AFG2A: variants seen among roughly 807,000 people sequenced by gnomAD.
The protein encoded by AFG2A is ATPase family gene 2 protein homolog A.
the AFG2A span, among the ~76,000 whole-genome samples, chr4:123,113,414 C>A: frequency 6.6e-6 from 1 of 152,136 alleles, no homozygotes; most frequent in Non-Finnish European, 1.5e-5. Context: ...TGCTCACTTA[C>A]CCAGACGATC....
chr4:123,013,979 G>T, the AFG2A span, among the ~76,000 whole-genome samples: 3 of 152,096 alleles, frequency 2.0e-5, no homozygotes, highest in South Asian at 4.1e-4. Context: ...TATTAAAAAT[G>T]ATTTCTTCTA....
chr4:122,928,365 C>T, the AFG2A span, among the ~76,000 whole-genome samples: 2 of 152,136 alleles, frequency 1.3e-5, no homozygotes. Context: ...GCTTTCTTTT[C>T]TGCTACCAGC....
At chr4:123,171,496 A>G in the AFG2A span, among the ~76,000 whole-genome samples, 1 of 152,176 alleles carries the variant, frequency 6.6e-6, no homozygotes, top group African/African-American at 2.4e-5. Flanking sequence ...CAGATCAGAA[A>G]GTTCTTCCTA....
At chr4:122,969,737 A>G in the AFG2A span, among the ~76,000 whole-genome samples, 1 of 151,990 alleles carries the variant, frequency 6.6e-6, no homozygotes, top group East Asian at 1.9e-4. Flanking sequence ...TTTATTTTAG[A>G]TTTTCCTTAA....
chr4:123,219,531 T>G, the AFG2A span, among the ~76,000 whole-genome samples: 1 of 152,214 alleles, frequency 6.6e-6, no homozygotes, highest in Admixed American at 6.5e-5. Flanking sequence ...ATATTAGTAC[T>G]TAGTGTGCTA....
chr4:122,975,038 C>A, the AFG2A span, among the ~76,000 whole-genome samples: 2 of 152,138 alleles, frequency 1.3e-5, no homozygotes, highest in African/African-American at 2.4e-5. Context: ...ATGAGGATGT[C>A]GAGTAGTAAA....
chr4:123,080,791 A>G, the AFG2A span, among the ~76,000 whole-genome samples: 1 of 151,772 alleles, frequency 6.6e-6, no homozygotes, highest in Non-Finnish European at 1.5e-5. Flanking sequence ...TATTGATTGT[A>G]TTTCCTTAAT....
At chr4:123,193,728 G>A in the AFG2A span, among the ~76,000 whole-genome samples, 1 of 152,012 alleles carries the variant, frequency 6.6e-6, no homozygotes, top group Admixed American at 6.6e-5. Context: ...ATGTGAAAAA[G>A]AACATAAAAT....
chr4:123,243,735 T>A, the AFG2A span, among the ~76,000 whole-genome samples: 2 of 150,432 alleles, frequency 1.3e-5, no homozygotes, highest in Admixed American at 1.3e-4. Context: ...ACCCTGTAAT[T>A]AAAAAAAAAA....
At chr4:123,113,470 T>A in the AFG2A span, among the ~76,000 whole-genome samples, 85 of 152,104 alleles carry the variant, frequency 5.6e-4, no homozygotes, top group Non-Finnish European at 1.0e-3. Context: ...TAACTTTCAG[T>A]ATGCTGCAGC....
the AFG2A span, among the ~76,000 whole-genome samples, chr4:122,948,785 C>CTGAAT: frequency 2.0e-5 from 3 of 151,856 alleles, no homozygotes; most frequent in African/African-American, 7.3e-5. Context: ...TTCCACATGG[C>CTGAAT]AACCTCCTTT....
At chr4:123,292,545 A>G in the AFG2A span, among the ~76,000 whole-genome samples, 1 of 152,214 alleles carries the variant, frequency 6.6e-6, no homozygotes, top group Non-Finnish European at 1.5e-5. Context: ...GTTAAAAAAA[A>G]TTCCCCTTGA....
chr4:122,933,012 A>C, the AFG2A span, among the ~76,000 whole-genome samples: 1 of 152,238 alleles, frequency 6.6e-6, no homozygotes, highest in African/African-American at 2.4e-5. Context: ...ATTTTTCATC[A>C]GATTCTTTGT....
At chr4:123,290,071 T>C in the AFG2A span, among the ~76,000 whole-genome samples, 1 of 152,204 alleles carries the variant, frequency 6.6e-6, no homozygotes, top group African/African-American at 2.4e-5. Flanking sequence ...TTGAGTTGTT[T>C]GAATTCTTTG....
the AFG2A span, chr4:123,314,141 T>TA: frequency 1.6e-5 from 21 of 1,323,062 alleles, no homozygotes; most frequent in South Asian, 3.9e-5. Flanking sequence ...TTGAGAGTGT[T>TA]AAAAAAAATT....
the AFG2A span, among the ~76,000 whole-genome samples, chr4:123,275,805 C>A: frequency 6.6e-6 from 1 of 152,106 alleles, no homozygotes; most frequent in African/African-American, 2.4e-5. Context: ...TTCATCCATG[C>A]TGCTGCAAAA....
chr4:123,262,391 A>G, the AFG2A span, among the ~76,000 whole-genome samples: 1 of 152,242 alleles, frequency 6.6e-6, no homozygotes, highest in Non-Finnish European at 1.5e-5. Context: ...AGCAAAAGAA[A>G]TTGGCTTGTC....
chr4:122,981,760 A>T, the AFG2A span, among the ~76,000 whole-genome samples: 1 of 152,032 alleles, frequency 6.6e-6, no homozygotes, highest in Non-Finnish European at 1.5e-5. Flanking sequence ...CGGTATATTT[A>T]AAAAATACTA....
the AFG2A span, among the ~76,000 whole-genome samples, chr4:123,022,511 C>G: frequency 3.3e-5 from 5 of 150,022 alleles, no homozygotes; most frequent in African/African-American, 9.8e-5. Context: ...GTTAGAATGG[C>G]AATCATTAAA....
Sources: gnomAD v4.1 joint callset for allele counts (sites outside exome capture counted in the v4.1 genomes callset) on GRCh38, gnomAD v4.1.1 for gene constraint, MANE v1.5 for transcripts, NCBI Gene and HGNC (gene_info 2026-07-23, HGNC 2026-07-21) for gene names.